The following SNTB2 variants were observed in gnomAD, a reference collection of about 807,000 sequenced individuals.
SNTB2 encodes beta-2-syntrophin.
Under a neutral mutation model 46.2 loss-of-function variants are expected in SNTB2, and 34 were observed. The ratio of observed to expected loss-of-function variants is 0.74; its 90% CI spans 0.56 to 0.98. The LOEUF (loss-of-function observed/expected upper bound fraction) is 0.98, where lower values mean the gene tolerates loss of function less well. Ranked by LOEUF, SNTB2 falls within the 50% of genes least tolerant of loss-of-function variation. The pLI is 0.00. For missense variants in SNTB2, 603 were observed against 731.4 expected, an observed-to-expected ratio of 0.82 and a Z score of 2.02; for synonymous variants, 290 against 312.6, an observed-to-expected ratio of 0.93 and a Z score of 0.76.
intron 5 of SNTB2, among the ~76,000 whole-genome samples, chr16:69,287,130 C>T (rs552407611): frequency 9.9e-5 from 15 of 152,068 alleles, no homozygotes; most frequent in Non-Finnish European, 1.5e-4. Flanking sequence ...ATTGTGGAAG[C>T]GCCCTCTTGT....
intron 4 of SNTB2, among the ~76,000 whole-genome samples, chr16:69,281,041 C>T (rs763105049): frequency 8.8e-4 from 134 of 152,226 alleles, no homozygotes; most frequent in Non-Finnish European, 1.4e-3. Context: ...GTGATCCGCC[C>T]GCCTCGGCCT....
chr16:69,213,797 T>A (rs1964315566), intron 1 of SNTB2, among the ~76,000 whole-genome samples: 2 of 142,114 alleles, frequency 1.4e-5, no homozygotes, highest in Non-Finnish European at 3.1e-5. Context: ...CGTGCCCAGC[T>A]GATAAATACT....
chr16:69,191,161 CACA>C (rs1193375950), intron 1 of SNTB2: 1 of 150,502 alleles, frequency 6.6e-6, no homozygotes, highest in Non-Finnish European at 1.5e-5. Context: ...ACTAATTGAT[CACA>C]ACTAGTTACA....
At chr16:69,189,427 T>TG (rs1452254313) in intron 1 of SNTB2, among the ~76,000 whole-genome samples, 1 of 152,180 alleles carries the variant, frequency 6.6e-6, no homozygotes, top group African/African-American at 2.4e-5. Flanking sequence ...GGCAGACAGT[T>TG]GAACCTTGTA....
intron 1 of SNTB2, among the ~76,000 whole-genome samples, chr16:69,235,498 G>A (rs1412530814): frequency 6.6e-6 from 1 of 152,144 alleles, no homozygotes; most frequent in African/African-American, 2.4e-5. Context: ...TATATAGGTG[G>A]AGAAAGGTGG....
At chr16:69,226,589 G>T (rs1319143868) in intron 1 of SNTB2, among the ~76,000 whole-genome samples, 2 of 152,126 alleles carry the variant, frequency 1.3e-5, no homozygotes, top group African/African-American at 4.8e-5. Context: ...GAGTGCGGTG[G>T]TGGGATTGTG....
intron 5 of SNTB2, among the ~76,000 whole-genome samples, chr16:69,294,392 A>G (rs1025974986): frequency 5.3e-5 from 8 of 152,156 alleles, no homozygotes; most frequent in African/African-American, 1.9e-4. Flanking sequence ...CTAAAGAGCC[A>G]TCAGTCAGTC....
At position 69,305,355 on chromosome 16, in the gene SNTB2, G is replaced by A. The variant is rs147329888; in HGVS notation, c.*4431G>A. ...ATCTTGGACACTTATGCTGAATTAT[G>A]TTCTTATTATTTTCACTGGTTATAA... On this transcript the variant is annotated 3_prime_UTR_variant, in exon 7 of 7. Coordinates refer to ENST00000336278, the MANE Select transcript of SNTB2 (RefSeq NM_006750.4). The A allele has an allele frequency of 6.6e-6, 1 of 152,396 alleles. No individual in the cohort carries two copies. Among genetic ancestry groups the A allele is most frequent in the African/African-American group, 2.4e-5 (1 of 41,540 alleles). The allele number at this position is 152,396 out of a possible 1,614,324, so 9.4% of individuals were successfully genotyped here. A position where few individuals can be genotyped will look rare whatever the true frequency, so the allele number is the denominator to read the frequency against.
intron 1 of SNTB2, among the ~76,000 whole-genome samples, chr16:69,225,476 T>A (rs1401708838): frequency 6.6e-6 from 1 of 152,254 alleles, no homozygotes; most frequent in Non-Finnish European, 1.5e-5. Context: ...CGTGGAAGTT[T>A]TGTTGTCTAG....
intron 1 of SNTB2, among the ~76,000 whole-genome samples, chr16:69,232,320 C>T (rs548626971): frequency 2.0e-5 from 3 of 151,140 alleles, no homozygotes; most frequent in Non-Finnish European, 4.4e-5. Context: ...ATTCTCCTGC[C>T]TCAGCCTCCC....
chr16:69,243,863 T>C (rs1964642444), intron 1 of SNTB2, among the ~76,000 whole-genome samples: 1 of 152,222 alleles, frequency 6.6e-6, no homozygotes. Flanking sequence ...ATACTACATC[T>C]AAATTCTAGC....
rs780105798 is a variant in SNTB2 at position 69,300,921 on chromosome 16, A to T, written c.1620A>T (p.Val540=). Residue 540 remains valine, a synonymous_variant, in exon 7 of 7, where the codon GTA becomes GTT. Coordinates refer to ENST00000336278, the MANE Select transcript of SNTB2 (RefSeq NM_006750.4). The stretch of plus-strand genomic sequence containing the variant: ...AAGTCACTCGTATGGGACTGCTTGT[A>T]TGAGCAACAAAAAATCAGAAAAGAG... ...SAKVTRMGLL[V] is the part of the protein sequence containing the mutation. 6.3e-7 allele frequency: 1 copy of T among 1,597,712 alleles called. No individual in the cohort carries two copies. The highest frequency in any genetic ancestry group is 1.7e-5 in the Admixed American group (1 of 59,628).
At chr16:69,202,010 C>G (rs1396321182) in intron 1 of SNTB2, among the ~76,000 whole-genome samples, 3 of 152,158 alleles carry the variant, frequency 2.0e-5, no homozygotes, top group Admixed American at 2.0e-4. Flanking sequence ...TTGTTTACAC[C>G]TGATGTTTAG....
At chr16:69,232,331 G>GAGTAAGTGGGACTACAGGTGCCTGC (rs1567403376) in intron 1 of SNTB2, among the ~76,000 whole-genome samples, 1 of 149,138 alleles carries the variant, frequency 6.7e-6, no homozygotes, top group Non-Finnish European at 1.5e-5. Context: ...TCAGCCTCCC[G>GAGTAAGTGGGACTACAGGTGCCTGC]AGTAAGTGGG....
At chr16:69,195,659 A>G (rs981409922) in intron 1 of SNTB2, among the ~76,000 whole-genome samples, 11 of 152,142 alleles carry the variant, frequency 7.2e-5, no homozygotes, top group Non-Finnish European at 1.6e-4. Flanking sequence ...TGGTGCCTGC[A>G]GCTCTAGGAA....
intron 2 of SNTB2, among the ~76,000 whole-genome samples, chr16:69,249,180 T>C (rs866737897): frequency 2.6e-5 from 4 of 152,092 alleles, no homozygotes; most frequent in Admixed American, 2.6e-4. Context: ...TGCATGCCAC[T>C]GTGCCCAGCT....
chr16:69,208,205 G>C (rs554867132), intron 1 of SNTB2, among the ~76,000 whole-genome samples: 57 of 151,514 alleles, frequency 3.8e-4, no homozygotes, highest in African/African-American at 1.1e-3. Context: ...TCAGGAGTTT[G>C]AGACCAGCCT....
In SNTB2 at chr16:69,284,122, C is replaced by T. The variant is rs761990027; in HGVS notation, c.1223C>T (p.Ser408Phe). 1.9e-6 allele frequency: 3 copies of T among 1,613,904 alleles called. No individual in the cohort carries two copies. The highest frequency in any genetic ancestry group is 2.5e-6 in the Non-Finnish European group (3 of 1,180,006). ...CTTACATTTGCTACCAGGACAGGCT[C>T]TCGACAGGGCATTGAGATGCATCTC... ...SDLTFATRTG[S>F]RQGIEMHLFR... The change falls in exon 5 of 7, where the codon TCT (serine) becomes TTT (phenylalanine). Residue 408 changes from serine (S) to phenylalanine (F), a missense_variant. Ser to Phe is a radical substitution (Grantham distance 155, BLOSUM62 -2). Around this residue, in one of 2 missense-constraint regions of SNTB2, gnomAD observed 537 missense variants for 692.4 expected, o/e 0.78. Transcript: ENST00000336278.
Position 69,250,288 on chromosome 16 carries a change from T to G in SNTB2, c.794+4473T>G, listed in dbSNP as rs535399961. ...ACTCATGGGAATGTGAACATCTGTG[T>G]GTCTTGGCAGAAAAAATGTACAGAA... On this transcript the variant is annotated intron_variant, in intron 2 of 6. Coordinates refer to ENST00000336278, the MANE Select transcript of SNTB2 (RefSeq NM_006750.4). 1.6e-4 allele frequency among the ~76,000 whole-genome samples: 24 copies of G among 152,318 alleles called. No individual in the cohort carries two copies. In the South Asian group the frequency reaches 5.0e-3, roughly 32 times the overall value.
Sources: allele counts gnomAD v4.1 joint callset (sites outside exome capture counted in the v4.1 genomes callset), GRCh38; gene constraint gnomAD v4.1.1; regional missense constraint gnomAD v4.1.1; transcripts MANE v1.5; gene names NCBI Gene and HGNC (gene_info 2026-07-23, HGNC 2026-07-21).